The following TTLL7 variants were observed in gnomAD, a reference collection of about 807,000 sequenced individuals.
TTLL7 encodes tubulin polyglutamylase TTLL7.
Under a neutral mutation model 120.2 loss-of-function variants are expected in TTLL7, and 53 were observed. That is an observed-to-expected ratio of 0.44 (90% CI 0.35 to 0.55). The LOEUF (loss-of-function observed/expected upper bound fraction) is 0.55. Among genes scored for constraint, TTLL7 ranks in the 20% least tolerant of loss-of-function variants. The pLI is 0.00. For synonymous variants in TTLL7, 353 were observed against 351.7 expected, an observed-to-expected ratio of 1.00 and a Z score of -0.04; for missense variants, 803 against 1,054.7, an observed-to-expected ratio of 0.76 and a Z score of 3.31.
rs79035827 is a variant in TTLL7, at chr1:83,961,999, G to A, written c.-176-9612C>T. On this transcript the variant is annotated intron_variant, in intron 1 of 20. Coordinates refer to ENST00000260505, the MANE Select transcript of TTLL7 (RefSeq NM_024686.6). ...TCTGAGCTGTGGAGTTGAAACTTAGGGTCTGTTGTACTTAAGTCTCCTGAG... is the reference window on the plus strand; with the variant it reads ...TCTGAGCTGTGGAGTTGAAACTTAGAGTCTGTTGTACTTAAGTCTCCTGAG... Among the ~76,000 whole-genome samples, 493 of 152,104 alleles carry A rather than the reference G, an allele frequency of 3.2e-3. 2 individuals carry two copies. Among genetic ancestry groups the A allele is most frequent in the African/African-American group, 0.011 (473 of 41,502 alleles).
At chr1:83,939,829 A>T (rs1161364589) in intron 7 of TTLL7, among the ~76,000 whole-genome samples, 1 of 152,200 alleles carries the variant, frequency 6.6e-6, no homozygotes, top group Non-Finnish European at 1.5e-5. Flanking sequence ...CTATTTTAAA[A>T]ATTTGAAATA....
intron 3 of TTLL7, among the ~76,000 whole-genome samples, chr1:83,950,620 T>C (rs1255977985): frequency 6.6e-6 from 1 of 152,202 alleles, no homozygotes; most frequent in Non-Finnish European, 1.5e-5. Flanking sequence ...ATCTAGATTT[T>C]ACAATTAACA....
intron 18 of TTLL7, among the ~76,000 whole-genome samples, chr1:83,892,413 T>C (rs58551934): frequency 0.011 from 913 of 81,956 alleles, 101 homozygotes; most frequent in Middle Eastern, 0.047. Context: ...AACATATATA[T>C]GAACATATAT....
rs1440520403 is a variant in TTLL7 at position 83,951,603 on chromosome 1, G to A, written c.157+242C>T. Among the ~76,000 whole-genome samples the A allele has an allele frequency of 3.3e-5, 5 of 152,300 alleles. No individual in the cohort carries two copies. In the East Asian group the frequency reaches 7.7e-4, roughly 23 times the overall value. On this transcript the variant is annotated intron_variant, in intron 3 of 20. Transcript: ENST00000260505. Reference sequence around the variant, plus strand: ...CCAAGTCCCTTTTTTCAGCTAAGCTGTCTAATCATATTAAGTGTTTGAACT... The same window carrying A: ...CCAAGTCCCTTTTTTCAGCTAAGCTATCTAATCATATTAAGTGTTTGAACT...
At chr1:83,921,942 C>T (rs1658705259) in intron 10 of TTLL7, among the ~76,000 whole-genome samples, 1 of 152,074 alleles carries the variant, frequency 6.6e-6, no homozygotes, top group Admixed American at 6.6e-5. Context: ...ATAGTCCTTC[C>T]CATTTTTTAC....
At chr1:83,889,890 A>G in intron 19 of TTLL7, 1 of 456,878 alleles carries the variant, frequency 2.2e-6, no homozygotes, top group Non-Finnish European at 4.4e-6. Context: ...AATAGGATTA[A>G]GGGAAGCCAA....
intron 19 of TTLL7, 128 bp downstream of exon 19, chr1:83,890,193 C>T: frequency 1.1e-6 from 1 of 928,488 alleles, no homozygotes; most frequent in Non-Finnish European, 1.6e-6. Context: ...TAGTTGAGTA[C>T]TAAACATTAC....
intron 18 of TTLL7, among the ~76,000 whole-genome samples, chr1:83,891,019 T>C (rs574366698): frequency 6.6e-6 from 1 of 152,196 alleles, no homozygotes; most frequent in East Asian, 1.9e-4. Context: ...TAAACTATTC[T>C]GTATCTTAGT....
At chr1:83,968,033 C>G (rs935948200) in intron 1 of TTLL7, among the ~76,000 whole-genome samples, 1 of 152,050 alleles carries the variant, frequency 6.6e-6, no homozygotes, top group Non-Finnish European at 1.5e-5. Context: ...CCACCACCCT[C>G]CAGCTCCATT....
intron 18 of TTLL7, among the ~76,000 whole-genome samples, chr1:83,899,970 T>G (rs980418): frequency 0.52 from 78,693 of 151,854 alleles, 20,956 homozygotes; most frequent in Non-Finnish European, 0.59. Context: ...TATGTACTCA[T>G]TAGTAAATTT....
At chr1:83,974,038 A>C (rs1041746636) in intron 1 of TTLL7, among the ~76,000 whole-genome samples, 3 of 151,980 alleles carry the variant, frequency 2.0e-5, no homozygotes, top group African/African-American at 4.8e-5. Context: ...TTTTACCTCA[A>C]ATTTTTTTAC....
At chr1:83,879,424 CTCTG>C (rs1214806230) in intron 20 of TTLL7, among the ~76,000 whole-genome samples, 3 of 151,962 alleles carry the variant, frequency 2.0e-5, no homozygotes, top group Admixed American at 1.3e-4. Context: ...TTGGCTCAGC[CTCTG>C]TCTTTCTGGC....
chr1:83,926,167 G>C (rs1012248904), intron 10 of TTLL7, among the ~76,000 whole-genome samples: 1 of 151,282 alleles, frequency 6.6e-6, no homozygotes, highest in Non-Finnish European at 1.5e-5. Flanking sequence ...TTTAACCTTT[G>C]TGGGTTGGAG....
At chr1:83,987,006 T>C (rs1245855623) in intron 1 of TTLL7, among the ~76,000 whole-genome samples, 1 of 151,932 alleles carries the variant, frequency 6.6e-6, no homozygotes, top group African/African-American at 2.4e-5. Flanking sequence ...TTGTCTACAT[T>C]TAAAAAAAAC....
intron 1 of TTLL7, among the ~76,000 whole-genome samples, chr1:83,985,933 A>G (rs1248866454): frequency 2.0e-5 from 3 of 152,214 alleles, no homozygotes; most frequent in Non-Finnish European, 4.4e-5. Flanking sequence ...AAATATCCTG[A>G]AAAAGAAATG....
At chr1:83,998,809 C>CG in intron 1 of TTLL7, 122 bp downstream of exon 1, 1 of 300,602 alleles carries the variant, frequency 3.3e-6, no homozygotes, top group South Asian at 2.4e-5. Context: ...CCAGCGGGGA[C>CG]GGTGTCCCCA....
chr1:83,940,109 G>A (rs929994530), intron 7 of TTLL7, among the ~76,000 whole-genome samples: 4 of 151,988 alleles, frequency 2.6e-5, no homozygotes, highest in Admixed American at 6.6e-5. Context: ...TGGAGCTTAC[G>A]TGATTGAAGA....
rs1331367269 is a variant in TTLL7 at position 83,866,956 on chromosome 1, T to A, written c.*3006A>T. 2 of 151,852 alleles carry A rather than the reference T, an allele frequency of 1.3e-5. No individual in the cohort carries two copies. The highest frequency in any genetic ancestry group is 2.9e-5 in the Non-Finnish European group (2 of 67,800). 9.4% of individuals were successfully genotyped at this position (151,852 alleles called of 1,614,324 possible). A position where few individuals can be genotyped will look rare whatever the true frequency, so the allele number is the denominator to read the frequency against. On this transcript the variant is annotated 3_prime_UTR_variant, in exon 21 of 21. Coordinates refer to ENST00000260505, the MANE Select transcript of TTLL7 (RefSeq NM_024686.6). ...TAGAAATTATTCAAATATTGCATAG[T>A]TCTAGAAAGCATTCCAATCTTAGAT...
intron 5 of TTLL7, among the ~76,000 whole-genome samples, chr1:83,948,188 C>A (rs1352266805): frequency 7.6e-6 from 1 of 131,358 alleles, no homozygotes; most frequent in Non-Finnish European, 1.7e-5. Flanking sequence ...CACACAAACA[C>A]ACACACACAC....
Sources: gnomAD v4.1 joint callset for allele counts (sites outside exome capture counted in the v4.1 genomes callset) on GRCh38, gnomAD v4.1.1 for gene constraint, MANE v1.5 for transcripts, NCBI Gene and HGNC (gene_info 2026-07-23, HGNC 2026-07-21) for gene names.